The following FYN variants were observed in gnomAD, a reference collection of about 807,000 sequenced individuals.
FYN encodes the protein FYN proto-oncogene, Src family tyrosine kinase, also known as tyrosine-protein kinase Fyn.
A neutral mutation model predicts 70.2 loss-of-function variants in FYN; 10 were observed. That is an observed-to-expected ratio of 0.14 (90% CI 0.09 to 0.24). The LOEUF is 0.24. Ranked by LOEUF, FYN falls within the 10% of genes least tolerant of loss-of-function variation. The pLI, the probability that FYN is intolerant of heterozygous loss-of-function variation, is 1.00. For missense variants in FYN, 319 were observed against 673.1 expected, an observed-to-expected ratio of 0.47 and a Z score of 5.82; for synonymous variants, 236 against 248.6, an observed-to-expected ratio of 0.95 and a Z score of 0.48.
intron 2 of FYN, among the ~76,000 whole-genome samples, chr6:111,841,783 T>C (rs1458647055): frequency 6.6e-6 from 1 of 152,154 alleles, no homozygotes; most frequent in Non-Finnish European, 1.5e-5. Context: ...GAGGGATTTT[T>C]TTTTTTTTTT....
intron 2 of FYN, among the ~76,000 whole-genome samples, chr6:111,832,806 T>C (rs1333604066): frequency 6.6e-6 from 1 of 152,130 alleles, no homozygotes; most frequent in Admixed American, 6.5e-5. Flanking sequence ...CTAGTCAATA[T>C]ATAATTAAAA....
chr6:111,751,932 A>G (rs1802508091), intron 3 of FYN, among the ~76,000 whole-genome samples: 2 of 152,102 alleles, frequency 1.3e-5, no homozygotes, highest in South Asian at 4.1e-4. Context: ...GATATTTCTT[A>G]AGCTTTTAGA....
intron 1 of FYN, among the ~76,000 whole-genome samples, chr6:111,860,882 G>C (rs999335887): frequency 5.9e-5 from 9 of 152,278 alleles, no homozygotes; most frequent in Admixed American, 1.3e-4. Context: ...GAATTACATG[G>C]TCAACCACAC....
At chr6:111,709,830 G>A (rs973944955) in intron 5 of FYN, among the ~76,000 whole-genome samples, 1 of 152,106 alleles carries the variant, frequency 6.6e-6, no homozygotes, top group South Asian at 2.1e-4. Context: ...CTCCCCTATT[G>A]TAAGCACCCC....
chr6:111,849,822 C>T (rs547296645), intron 1 of FYN, among the ~76,000 whole-genome samples: 1 of 152,340 alleles, frequency 6.6e-6, no homozygotes, highest in African/African-American at 2.4e-5. Context: ...ATTAAAATCA[C>T]TTTTTCACTC....
At chr6:111,799,697 G>A (rs746557030) in intron 2 of FYN, among the ~76,000 whole-genome samples, 15 of 152,202 alleles carry the variant, frequency 9.9e-5, no homozygotes, top group Non-Finnish European at 2.1e-4. Context: ...GTTTCATGAT[G>A]CTGCCTGTCC....
At chr6:111,839,437 T>A (rs895585335) in intron 2 of FYN, among the ~76,000 whole-genome samples, 11 of 152,080 alleles carry the variant, frequency 7.2e-5, no homozygotes, top group Admixed American at 7.2e-4. Flanking sequence ...ATAAGCTCAA[T>A]GCAAGCTGAA....
chr6:111,721,374 G>A (rs1358064109), intron 3 of FYN, among the ~76,000 whole-genome samples: 1 of 152,178 alleles, frequency 6.6e-6, no homozygotes, highest in Admixed American at 6.5e-5. Context: ...GCAACCAGAT[G>A]AGTGAAGATT....
At chr6:111,675,807 T>C (rs904444311) in intron 12 of FYN, among the ~76,000 whole-genome samples, 4 of 148,854 alleles carry the variant, frequency 2.7e-5, no homozygotes, top group Non-Finnish European at 4.5e-5. Context: ...AAAAATGAAA[T>C]AAAATAAAAA....
Position 111,714,453 on chromosome 6 carries a change from C to T in FYN, c.248-10G>A, listed in dbSNP as rs375047743. On this transcript the variant is annotated splice_polypyrimidine_tract_variant and intron_variant, in intron 4 of 13. Transcript: ENST00000354650. ...ACAAAGAGTGTCACTCCTGCCGAAACGAAATTCACAAGAAGGGAGATTATT... is the reference window on the plus strand; with the variant it reads ...ACAAAGAGTGTCACTCCTGCCGAAATGAAATTCACAAGAAGGGAGATTATT... 78 of 1,595,868 alleles carry T rather than the reference C, an allele frequency of 4.9e-5. No homozygotes were observed. In the East Asian group the frequency reaches 4.9e-4, roughly 10 times the overall value.
At chr6:111,869,440 G>C (rs1165951433) in intron 1 of FYN, among the ~76,000 whole-genome samples, 1 of 152,270 alleles carries the variant, frequency 6.6e-6, no homozygotes, top group African/African-American at 2.4e-5. Context: ...GCCCAGGCTA[G>C]AGTACAGTGG....
intron 3 of FYN, among the ~76,000 whole-genome samples, chr6:111,735,445 TATC>T (rs987818653): frequency 2.0e-5 from 3 of 152,326 alleles, no homozygotes; most frequent in African/African-American, 7.2e-5. Flanking sequence ...TGCTGGGTAT[TATC>T]ATCATCATCA....
At chr6:111,673,880 T>C (rs1039748621) in intron 13 of FYN, among the ~76,000 whole-genome samples, 1 of 152,202 alleles carries the variant, frequency 6.6e-6, no homozygotes, top group African/African-American at 2.4e-5. Context: ...AATCTGATAA[T>C]ACAGAAACAT....
chr6:111,694,761 G>C lies in FYN; in HGVS notation c.1043-57C>G. The C allele has an allele frequency of 6.9e-7, 1 of 1,458,484 alleles. No homozygotes were observed. Among genetic ancestry groups the C allele is most frequent in the Non-Finnish European group, 9.5e-7 (1 of 1,052,288 alleles). The allele number at this position is 1,458,484 out of a possible 1,614,324, so 90.3% of individuals were successfully genotyped here. On this transcript the variant is annotated intron_variant, in intron 10 of 13. Transcript: ENST00000354650. The surrounding 1 kb of genome is among the most constrained non-coding windows in gnomAD (Gnocchi z 5.0). Reference sequence around the variant, plus strand: ...ACTTTGAAAGATAATTCCCAACAGAGAGCTGTATTTGGTTTTCTTATTAAA... The same window carrying C: ...ACTTTGAAAGATAATTCCCAACAGACAGCTGTATTTGGTTTTCTTATTAAA...
chr6:111,737,339 G>A (rs1801752330), intron 3 of FYN, among the ~76,000 whole-genome samples: 3 of 152,186 alleles, frequency 2.0e-5, no homozygotes, highest in Non-Finnish European at 4.4e-5. Flanking sequence ...TAAGACATGA[G>A]TCACAGGCCC....
intron 1 of FYN, among the ~76,000 whole-genome samples, chr6:111,865,188 T>A (rs897455555): frequency 1.3e-5 from 2 of 152,192 alleles, no homozygotes; most frequent in African/African-American, 4.8e-5. Flanking sequence ...AGGTACTCAA[T>A]ACATATTTGC....
chr6:111,722,720 T>C (rs1183019509), intron 3 of FYN, among the ~76,000 whole-genome samples: 4 of 152,162 alleles, frequency 2.6e-5, no homozygotes, highest in African/African-American at 9.7e-5. Flanking sequence ...GGAGGGATAC[T>C]CCTGATACCT....
chr6:111,677,769 C>T (rs774705673), intron 12 of FYN, among the ~76,000 whole-genome samples: 5 of 152,142 alleles, frequency 3.3e-5, no homozygotes, highest in African/African-American at 4.8e-5. Context: ...TATGGACTTA[C>T]AGAACAACGG....
chr6:111,693,306 C>T (rs975016888), intron 12 of FYN, among the ~76,000 whole-genome samples: 14 of 152,146 alleles, frequency 9.2e-5, no homozygotes, highest in African/African-American at 2.7e-4. Context: ...AAGCATCACC[C>T]TGTAATACAT....
Sources: allele counts gnomAD v4.1 joint callset (sites outside exome capture counted in the v4.1 genomes callset), GRCh38; gene constraint gnomAD v4.1.1; non-coding constraint Gnocchi (gnomAD v3.1); transcripts MANE v1.5; gene names NCBI Gene and HGNC (gene_info 2026-07-23, HGNC 2026-07-21).